Variants in CAMTA1 observed in about 807,000 individuals in gnomAD.
The protein encoded by CAMTA1 is calmodulin binding transcription activator 1, also known as calmodulin-binding transcription activator 1.
Under a neutral mutation model 170.9 loss-of-function variants are expected in CAMTA1, and 27 were observed. The ratio of observed to expected loss-of-function variants is 0.16; its 90% CI spans 0.12 to 0.22. The LOEUF is 0.22. Among genes scored for constraint, CAMTA1 ranks in the 10% least tolerant of loss-of-function variants. CAMTA1 has a pLI of 1.00. For missense variants in CAMTA1, 1,619 were observed against 2,217.2 expected, an observed-to-expected ratio of 0.73 and a Z score of 5.42; for synonymous variants, 833 against 891.5, an observed-to-expected ratio of 0.93 and a Z score of 1.17.
chr1:7,644,081 C>T (rs555917658), intron 7 of CAMTA1, among the ~76,000 whole-genome samples: 63 of 152,338 alleles, frequency 4.1e-4, no homozygotes, highest in South Asian at 1.2e-3. Flanking sequence ...TGCCCGCCAG[C>T]GGAGTTGTCA....
intron 3 of CAMTA1, among the ~76,000 whole-genome samples, chr1:6,867,563 T>C (rs1027582361): frequency 1.3e-5 from 2 of 152,116 alleles, no homozygotes; most frequent in African/African-American, 2.4e-5. Context: ...GCTACAGACA[T>C]GAAAGCCAAA....
chr1:7,037,942 A>G (rs1703880190), intron 3 of CAMTA1, among the ~76,000 whole-genome samples: 1 of 144,692 alleles, frequency 6.9e-6, no homozygotes, highest in Non-Finnish European at 1.5e-5. Context: ...GCCATATTTT[A>G]AACACAATGG....
At chr1:7,756,235 C>T (rs2096930749) in intron 22 of CAMTA1, among the ~76,000 whole-genome samples, 1 of 151,898 alleles carries the variant, frequency 6.6e-6, no homozygotes, top group Admixed American at 6.6e-5. Flanking sequence ...TGAGGTAAGT[C>T]ACTGTACAAG....
intron 3 of CAMTA1, among the ~76,000 whole-genome samples, chr1:6,995,180 T>A (rs1009956390): frequency 1.3e-5 from 2 of 152,000 alleles, no homozygotes; most frequent in African/African-American, 4.8e-5. Context: ...TCCAGATAGA[T>A]CAGTATTTAT....
At chr1:6,869,591 C>G (rs968262242) in intron 3 of CAMTA1, among the ~76,000 whole-genome samples, 2 of 152,164 alleles carry the variant, frequency 1.3e-5, no homozygotes, top group East Asian at 1.9e-4. Flanking sequence ...CTGTGAGGGA[C>G]ATAGTAAACT....
At chr1:7,553,516 C>G (rs1040292182) in intron 6 of CAMTA1, among the ~76,000 whole-genome samples, 1 of 152,234 alleles carries the variant, frequency 6.6e-6, no homozygotes, top group African/African-American at 2.4e-5. Flanking sequence ...AGATTGAAAG[C>G]AAGAGGGATA....
In CAMTA1 at chr1:6,981,098, A is replaced by G. The variant is rs148457293; in HGVS notation, c.235-110206A>G. On this transcript the variant is annotated intron_variant, in intron 3 of 22. Transcript: ENST00000303635. The stretch of plus-strand genomic sequence containing the variant: ...AGAACAGCCCCCAATGAGCAAACGC[A>G]CTGATATTTCTGCAGTAAGACGTAA... 1.1e-3 allele frequency among the ~76,000 whole-genome samples: 166 copies of G among 152,214 alleles called. 1 individual carries two copies. The highest frequency in any genetic ancestry group is 3.7e-3 in the African/African-American group (155 of 41,536).
chr1:7,679,575 GCC>G (rs377170123), intron 11 of CAMTA1, among the ~76,000 whole-genome samples: 9 of 103,622 alleles, frequency 8.7e-5, no homozygotes, highest in African/African-American at 2.8e-4. Context: ...CTCCCTAGCT[GCC>G]CCCCCCCCCA....
intron 3 of CAMTA1, among the ~76,000 whole-genome samples, chr1:6,829,770 T>C (rs1648982192): frequency 6.6e-6 from 1 of 152,218 alleles, no homozygotes; most frequent in African/African-American, 2.4e-5. Context: ...AGTCCCATAA[T>C]CCCTCATTTT....
chr1:7,239,079 T>G (rs1664403893), intron 4 of CAMTA1, among the ~76,000 whole-genome samples: 1 of 152,178 alleles, frequency 6.6e-6, no homozygotes, highest in Non-Finnish European at 1.5e-5. Context: ...TATACCATGG[T>G]CAGTCTTATT....
chr1:6,787,146 A>G (rs1173142510), intron 1 of CAMTA1, among the ~76,000 whole-genome samples: 1 of 152,226 alleles, frequency 6.6e-6, no homozygotes. Flanking sequence ...AGTCAGCCAT[A>G]TTTAGTGAGC....
chr1:7,507,080 C>G (rs1575698967), intron 6 of CAMTA1, among the ~76,000 whole-genome samples: 1 of 151,992 alleles, frequency 6.6e-6, no homozygotes, highest in Non-Finnish European at 1.5e-5. Flanking sequence ...CATATTGACA[C>G]TCAAAATTCA....
intron 4 of CAMTA1, among the ~76,000 whole-genome samples, chr1:7,178,607 T>C (rs1558210220): frequency 6.6e-6 from 1 of 152,280 alleles, no homozygotes; most frequent in Non-Finnish European, 1.5e-5. Flanking sequence ...CAAAATGCTT[T>C]CTATGCCCAG....
In CAMTA1 at chr1:7,392,258, CT is replaced by C. The variant is rs3034862; in HGVS notation, c.439-75556del. 3.9e-3 allele frequency among the ~76,000 whole-genome samples: 524 copies of C among 135,862 alleles called. 3 individuals carry two copies. The highest frequency in any genetic ancestry group is 1.0e-2 in the African/African-American group (363 of 36,432). The allele number at this position is 135,862 out of a possible 152,430, so 89.1% of individuals were successfully genotyped here. On this transcript the variant is annotated intron_variant, in intron 5 of 22. Transcript: ENST00000303635. ...AACCTCAACATGGTGAGACCCCCATCTTTTTTTTTTTTTTTTGAGTCAGTTT... is the reference window on the plus strand; with the variant it reads ...AACCTCAACATGGTGAGACCCCCATCTTTTTTTTTTTTTTTGAGTCAGTTT...
At chr1:7,057,190 A>G (rs896331834) in intron 3 of CAMTA1, among the ~76,000 whole-genome samples, 3 of 151,936 alleles carry the variant, frequency 2.0e-5, no homozygotes, top group Non-Finnish European at 2.9e-5. Context: ...TTGGGAATTC[A>G]CCTGTTTGGA....
chr1:7,322,726 G>A (rs1483758098), intron 5 of CAMTA1, among the ~76,000 whole-genome samples: 1 of 152,166 alleles, frequency 6.6e-6, no homozygotes, highest in African/African-American at 2.4e-5. Context: ...CTTAGTCTCT[G>A]TTTCATCTGT....
chr1:7,699,686 GTCTT>G lies in CAMTA1; in HGVS notation c.2914+21959_2914+21962del, dbSNP rs538899491. ...CACATCCTTGCCAACGCTTGTTATT[GTCTT>G]TCTTTGTGATTATAGTCACTTAGTG... On this transcript the variant is annotated intron_variant, in intron 11 of 22. Transcript: ENST00000303635. Among the ~76,000 whole-genome samples, 880 of 152,212 alleles carry G rather than the reference GTCTT, an allele frequency of 5.8e-3. 7 individuals carry two copies. Among genetic ancestry groups the G allele is most frequent in the African/African-American group, 0.019 (790 of 41,532 alleles).
intron 3 of CAMTA1, among the ~76,000 whole-genome samples, chr1:6,882,958 C>G (rs1380841597): frequency 6.6e-6 from 1 of 152,160 alleles, no homozygotes; most frequent in Non-Finnish European, 1.5e-5. Flanking sequence ...GAATGTCCCT[C>G]TGGTCTCAGC....
At chr1:7,578,583 G>A (rs12067013) in intron 6 of CAMTA1, among the ~76,000 whole-genome samples, 3,888 of 152,316 alleles carry the variant, frequency 0.026, 72 homozygotes, top group African/African-American at 0.049. Context: ...ATGGATGGCC[G>A]TGCCCTGTGG....
Sources: gnomAD v4.1 joint callset for allele counts (sites outside exome capture counted in the v4.1 genomes callset) on GRCh38, gnomAD v4.1.1 for gene constraint, MANE v1.5 for transcripts, NCBI Gene and HGNC (gene_info 2026-07-23, HGNC 2026-07-21) for gene names.